Variants in ITPR1 observed in about 807,000 individuals in gnomAD.
ITPR1 encodes the protein inositol 1,4,5-trisphosphate receptor type 1.
ITPR1 carries 96 observed loss-of-function variants against 318.4 expected under a neutral mutation model. That is an observed-to-expected ratio of 0.30 (90% confidence interval 0.26 to 0.36). The LOEUF (loss-of-function observed/expected upper bound fraction) is 0.36. Among genes scored for constraint, ITPR1 ranks in the 10% least tolerant of loss-of-function variants. The pLI, the probability that ITPR1 is intolerant of heterozygous loss-of-function variation, is 1.00. For missense variants in ITPR1, 2,440 were observed against 3,460.2 expected, an observed-to-expected ratio of 0.71 and a Z score of 7.40; for synonymous variants, 1,312 against 1,289.9, an observed-to-expected ratio of 1.02 and a Z score of -0.37.
At chr3:4,648,980 C>G (rs1030922989) in intron 10 of ITPR1, among the ~76,000 whole-genome samples, 2 of 152,142 alleles carry the variant, frequency 1.3e-5, no homozygotes, top group African/African-American at 2.4e-5. Flanking sequence ...AGAATTTGGT[C>G]TTGAACTTTG....
intron 2 of ITPR1, among the ~76,000 whole-genome samples, chr3:4,511,003 A>G (rs754437808): frequency 7.2e-5 from 11 of 152,112 alleles, no homozygotes; most frequent in Non-Finnish European, 1.2e-4. Context: ...AATGGCTATG[A>G]AGGAGGAACA....
At chr3:4,678,648 G>T (rs1242270591) in intron 24 of ITPR1, among the ~76,000 whole-genome samples, 1 of 152,228 alleles carries the variant, frequency 6.6e-6, no homozygotes, top group African/African-American at 2.4e-5. Context: ...TGAGACTGGA[G>T]TCCGGGAGTG....
chr3:4,786,583 A>C lies in ITPR1; in HGVS notation c.6616-1364A>C, dbSNP rs529577288. On this transcript the variant is annotated intron_variant, in intron 51 of 61. Coordinates refer to ENST00000649015, the MANE Select transcript of ITPR1 (RefSeq NM_001378452.1). ...ACTTCTCCAACCTCTGAGGAGGAAG[A>C]AGAGAGACTTGTGCCTCTACTATAC... 2.0e-5 allele frequency among the ~76,000 whole-genome samples: 3 copies of C among 152,364 alleles called. No homozygotes were observed. In the East Asian group the frequency reaches 5.8e-4, roughly 29 times the overall value.
At chr3:4,724,618 G>A (rs1054904487) in intron 40 of ITPR1, 8 of 152,252 alleles carry the variant, frequency 5.3e-5, no homozygotes, top group Non-Finnish European at 8.8e-5. Context: ...GCCCAGGTGG[G>A]GTCTGGCAGT....
intron 59 of ITPR1, chr3:4,817,359 T>C (rs1198578469): frequency 6.6e-6 from 1 of 152,272 alleles, no homozygotes; most frequent in Non-Finnish European, 1.5e-5. Context: ...CATATGTGTG[T>C]ATGTGTACAC....
rs375770679 is a variant in ITPR1, at chr3:4,693,624, C to T, written c.4164C>T (p.Val1388=). ...CTCTCATGTACCACATCCACTTGGT[C>T]GAGCTCCTGGCTGTGTGCACGGAGG... ...NSPLMYHIHL[V]ELLAVCTEGK... The change falls in exon 33 of 62, where the codon GTC becomes GTT. Residue 1388 remains valine (V), a synonymous_variant. Transcript: ENST00000649015. The T allele has an allele frequency of 6.4e-5, 104 of 1,613,882 alleles. No homozygotes were observed. The African/African-American group carries it at 8.4e-4, about 13-fold the overall frequency.
chr3:4,782,916 C>T (rs1335321241), intron 50 of ITPR1, among the ~76,000 whole-genome samples, 175 bp downstream of exon 50: 1 of 152,160 alleles, frequency 6.6e-6, no homozygotes, highest in Non-Finnish European at 1.5e-5. Flanking sequence ...TGCAGAGTTC[C>T]AGGACGTTTC....
chr3:4,813,996 G>A (rs543788168), intron 57 of ITPR1, among the ~76,000 whole-genome samples: 5 of 152,330 alleles, frequency 3.3e-5, no homozygotes, highest in Admixed American at 2.6e-4. Flanking sequence ...AGGCCCTGCC[G>A]TGAAATATCC....
At chr3:4,814,610 G>C (rs751531704) in intron 58 of ITPR1, 48 bp downstream of exon 58, 1 of 1,219,774 alleles carries the variant, frequency 8.2e-7, no homozygotes, top group Admixed American at 1.8e-5. Context: ...CGGGTGGGGT[G>C]GTTGGTGGGA....
intron 4 of ITPR1, among the ~76,000 whole-genome samples, chr3:4,608,215 T>C (rs758555963): frequency 3.3e-5 from 5 of 152,150 alleles, no homozygotes; most frequent in African/African-American, 4.8e-5. Context: ...ACTCCGAAGT[T>C]TGATTTACTC....
intron 4 of ITPR1, among the ~76,000 whole-genome samples, chr3:4,601,711 C>G (rs569013483): frequency 6.6e-6 from 1 of 152,178 alleles, no homozygotes; most frequent in South Asian, 2.1e-4. Context: ...AATTGCACTT[C>G]GTCAAAATTA....
intron 60 of ITPR1, among the ~76,000 whole-genome samples, chr3:4,819,901 TG>T (rs2049571675): frequency 6.6e-6 from 1 of 152,164 alleles, no homozygotes; most frequent in Non-Finnish European, 1.5e-5. Flanking sequence ...AAAGCCAGGC[TG>T]GGGGTTAAGT....
At chr3:4,621,441 C>G (rs535492551) in intron 4 of ITPR1, among the ~76,000 whole-genome samples, 6 of 152,286 alleles carry the variant, frequency 3.9e-5, no homozygotes, top group African/African-American at 9.6e-5. Context: ...GAGAAATCCA[C>G]CCCCATGACC....
At chr3:4,609,089 T>TATATATATATATATATACACAC (rs1171860541) in intron 4 of ITPR1, among the ~76,000 whole-genome samples, 2 of 91,952 alleles carry the variant, frequency 2.2e-5, no homozygotes, top group African/African-American at 7.6e-5. Flanking sequence ...TATATATATA[T>TATATATATATATATATACACAC]ACACACACAC....
chr3:4,644,832 G>A (rs2093419189), intron 8 of ITPR1, among the ~76,000 whole-genome samples: 1 of 152,130 alleles, frequency 6.6e-6, no homozygotes, highest in South Asian at 2.1e-4. Flanking sequence ...CGGTCTCCCT[G>A]CATATCAGTT....
At chr3:4,827,948 T>C (rs1279548678) in intron 60 of ITPR1, among the ~76,000 whole-genome samples, 3 of 152,038 alleles carry the variant, frequency 2.0e-5, no homozygotes, top group African/African-American at 7.2e-5. Flanking sequence ...TGAAGTCCTG[T>C]AGATGGCGAG....
chr3:4,516,720 A>T lies in ITPR1; in HGVS notation c.92+137A>T, dbSNP rs1241940688. The T allele has an allele frequency of 4.5e-6, 3 of 668,276 alleles. No homozygotes were observed. In the African/African-American group the frequency reaches 5.7e-5, roughly 13 times the overall value. The allele number at this position is 668,276 out of a possible 1,614,324, so 41.4% of individuals were successfully genotyped here. A position where few individuals can be genotyped will look rare whatever the true frequency, so the allele number is the denominator to read the frequency against. On this transcript the variant is annotated intron_variant, in intron 3 of 61. Transcript: ENST00000649015. ...AGTGCGGTTGAAATCACAAACACCAAATCTCATGTTAGCCAAGTTTAACCT... is the reference window on the plus strand; with the variant it reads ...AGTGCGGTTGAAATCACAAACACCATATCTCATGTTAGCCAAGTTTAACCT...
intron 4 of ITPR1, among the ~76,000 whole-genome samples, chr3:4,571,229 G>A (rs2087944986): frequency 6.6e-6 from 1 of 152,176 alleles, no homozygotes; most frequent in African/African-American, 2.4e-5. Flanking sequence ...GATACAAGGA[G>A]GAGTGAAGAG....
At chr3:4,644,065 G>T in intron 7 of ITPR1, 71 bp from the exon 8 acceptor site, 1 of 969,518 alleles carries the variant, frequency 1.0e-6, no homozygotes, top group Non-Finnish European at 1.6e-6. Context: ...ATGTCTTCTA[G>T]AACTGCCCAG....
Sources: allele counts gnomAD v4.1 joint callset (sites outside exome capture counted in the v4.1 genomes callset), GRCh38; gene constraint gnomAD v4.1.1; transcripts MANE v1.5; gene names NCBI Gene and HGNC (gene_info 2026-07-23, HGNC 2026-07-21).